NSD1: variants seen among roughly 807,000 people sequenced by gnomAD.
NSD1 encodes histone-lysine N-methyltransferase, H3 lysine-36 specific.
In NSD1, 26 loss-of-function variants were observed where a neutral mutation model predicts 242.7. The ratio of observed to expected loss-of-function variants is 0.11; its 90% CI spans 0.08 to 0.15. The LOEUF (loss-of-function observed/expected upper bound fraction) is 0.15, where lower values mean the gene tolerates loss of function less well. Among genes scored for constraint, NSD1 ranks in the 10% least tolerant of loss-of-function variants. The pLI is 1.00. For missense variants in NSD1, 2,495 were observed against 3,272.8 expected, an observed-to-expected ratio of 0.76 and a Z score of 5.80; for synonymous variants, 1,106 against 1,178.1, an observed-to-expected ratio of 0.94 and a Z score of 1.25.
rs200247015 is a variant in NSD1, at chr5:177,191,861, C to G, written c.928-23C>G. 52 of 1,612,344 alleles carry G rather than the reference C, an allele frequency of 3.2e-5. 1 individual carries two copies. The African/African-American group carries it at 5.1e-4, about 16-fold the overall frequency. On this transcript the variant is annotated intron_variant, in intron 2 of 22. Coordinates refer to ENST00000439151, the MANE Select transcript of NSD1 (RefSeq NM_022455.5). Reference sequence around the variant, plus strand: ...CAAAATATTTTGATTCTTATTGATGCCCCATGTTTTGTCTGTCTAAAGTGT... The same window carrying G: ...CAAAATATTTTGATTCTTATTGATGGCCCATGTTTTGTCTGTCTAAAGTGT...
At position 177,135,477 on chromosome 5, in the gene NSD1, C is replaced by T. The variant is rs761430959; in HGVS notation, c.374C>T (p.Ala125Val). 1 of 1,614,198 alleles carries T rather than the reference C, an allele frequency of 6.2e-7. No homozygotes were observed. The highest frequency in any genetic ancestry group is 1.1e-5 in the South Asian group (1 of 91,090). ...SLSPGGPTAL[A>V]MKQEPSCNNS... is the part of the protein sequence containing the mutation. The stretch of plus-strand genomic sequence containing the variant: ...AGTCCTGGTGGTCCTACAGCACTTG[C>T]TATGAAACAGGAACCCTCTTGTAAT... The change falls in exon 2 of 23, where the codon GCT (alanine) becomes GTT (valine). Residue 125 changes from alanine to valine, a missense_variant. By Grantham distance (64) the Ala-to-Val change is moderately conservative. This residue lies in a region of NSD1 where 376 missense variants were observed against 367.4 expected (regional missense o/e 1.02). Transcript: ENST00000439151.
intron 2 of NSD1, among the ~76,000 whole-genome samples, chr5:177,149,079 A>G (rs891592386): frequency 6.6e-6 from 1 of 152,074 alleles, no homozygotes; most frequent in African/African-American, 2.4e-5. Context: ...TTGGCTTCCC[A>G]AAGTCCTGGG....
intron 18 of NSD1, among the ~76,000 whole-genome samples, chr5:177,281,895 C>T (rs1758924455): frequency 1.3e-5 from 2 of 152,172 alleles, no homozygotes; most frequent in Admixed American, 1.3e-4. Flanking sequence ...TCAAATTATC[C>T]TCCCAGAGTG....
At chr5:177,159,457 A>G (rs1284744795) in intron 2 of NSD1, among the ~76,000 whole-genome samples, 2 of 151,412 alleles carry the variant, frequency 1.3e-5, no homozygotes, top group Non-Finnish European at 2.9e-5. Context: ...TAATTTTTGT[A>G]TTTTTAGTAG....
chr5:177,236,071 C>T (rs1765415670), intron 6 of NSD1, 126 bp downstream of exon 6: 3 of 1,004,650 alleles, frequency 3.0e-6, no homozygotes, highest in Non-Finnish European at 4.6e-6. Context: ...TTATTCTCAG[C>T]TTCTAGCACA....
chr5:177,272,897 A>G (rs1472882700), intron 16 of NSD1, among the ~76,000 whole-genome samples: 1 of 152,090 alleles, frequency 6.6e-6, no homozygotes, highest in South Asian at 2.1e-4. Flanking sequence ...AAAATAAAGT[A>G]CGGTACTTGA....
rs1321425171 is a variant in NSD1 at position 177,288,032 on chromosome 5, CCT to C, written c.6152-786_6152-785del. On this transcript the variant is annotated intron_variant, in intron 20 of 22. Transcript: ENST00000439151. ...TTATACATTAACTGTAAACATTACC[CCT>C]GTGATAGGCAACCTCTTCACATATT... 2.6e-5 allele frequency among the ~76,000 whole-genome samples: 4 copies of C among 152,232 alleles called. No individual in the cohort carries two copies. In the South Asian group the frequency reaches 8.3e-4, roughly 32 times the overall value.
At chr5:177,138,014 G>A (rs772959537) in intron 2 of NSD1, among the ~76,000 whole-genome samples, 14 of 151,842 alleles carry the variant, frequency 9.2e-5, no homozygotes, top group Non-Finnish European at 2.9e-5. Context: ...GGCAGAGGTT[G>A]CAGTGAGCCA....
At chr5:177,266,944 A>G (rs956469508) in intron 14 of NSD1, among the ~76,000 whole-genome samples, 5 of 152,188 alleles carry the variant, frequency 3.3e-5, no homozygotes, top group Admixed American at 6.5e-5. Flanking sequence ...GGCTCACTGC[A>G]ACTTCCGCCT....
intron 2 of NSD1, among the ~76,000 whole-genome samples, chr5:177,150,560 C>T (rs971057718): frequency 7.5e-5 from 11 of 146,768 alleles, no homozygotes; most frequent in African/African-American, 2.7e-4. Context: ...ATTATTAATA[C>T]TTCTAAAGTT....
At chr5:177,251,986 G>T in intron 12 of NSD1, 133 bp downstream of exon 12, 1 of 1,105,116 alleles carries the variant, frequency 9.0e-7, no homozygotes. Context: ...TGGTGCTGTG[G>T]GGTCACTGCT....
Position 177,211,987 on chromosome 5 carries a change from G to T in NSD1, c.3588G>T (p.Val1196=), listed in dbSNP as rs549662786. Residue 1196 remains valine, a synonymous_variant, in exon 5 of 23, where the codon GTG becomes GTT. Transcript: ENST00000439151. The part of the protein sequence containing the change: ...AFRVLLPSDP[V]QEGRDEFPEH... ...GGGTCTTACTTCCTAGTGACCCTGT[G>T]CAGGAGGGGCGGGATGAGTTTCCAG... 13 of 1,613,590 alleles carry T rather than the reference G, an allele frequency of 8.1e-6. No individual in the cohort carries two copies. In the African/African-American group the frequency reaches 1.1e-4, roughly 13 times the overall value.
At chr5:177,243,750 T>G (rs549884004) in intron 8 of NSD1, among the ~76,000 whole-genome samples, 1 of 152,162 alleles carries the variant, frequency 6.6e-6, no homozygotes, top group African/African-American at 2.4e-5. Context: ...TGGAGTGCAG[T>G]GGTGCGATCT....
intron 20 of NSD1, among the ~76,000 whole-genome samples, chr5:177,285,513 G>A (rs928626700): frequency 3.0e-5 from 4 of 131,570 alleles, no homozygotes; most frequent in Non-Finnish European, 3.1e-5. Flanking sequence ...GTAGTGAGCC[G>A]AGATCGTGCC....
chr5:177,175,093 G>A (rs1760082079), intron 2 of NSD1, among the ~76,000 whole-genome samples: 1 of 151,038 alleles, frequency 6.6e-6, no homozygotes, highest in Admixed American at 6.6e-5. Context: ...AGATGGTCTC[G>A]ATCTCCTGAC....
intron 17 of NSD1, among the ~76,000 whole-genome samples, chr5:177,274,258 A>G (rs1362873832): frequency 1.3e-5 from 2 of 152,240 alleles, no homozygotes; most frequent in Non-Finnish European, 2.9e-5. Context: ...CCTAACCTTT[A>G]ACCTACCTAG....
intron 16 of NSD1, among the ~76,000 whole-genome samples, chr5:177,272,966 A>G (rs1235377702): frequency 1.3e-5 from 2 of 152,206 alleles, no homozygotes; most frequent in Admixed American, 6.5e-5. Flanking sequence ...TATTTACACA[A>G]CAAGTCTTAG....
At chr5:177,248,398 T>C (rs1466156786) in intron 11 of NSD1, 74 bp downstream of exon 11, 3 of 1,500,000 alleles carry the variant, frequency 2.0e-6, no homozygotes, top group Non-Finnish European at 2.7e-6. Flanking sequence ...CATCTCTTTA[T>C]GATGGTTTCT....
At chr5:177,198,048 C>T (rs920109331) in intron 3 of NSD1, among the ~76,000 whole-genome samples, 27 of 152,164 alleles carry the variant, frequency 1.8e-4, no homozygotes, top group African/African-American at 6.0e-4. Context: ...CTTGCTCTGT[C>T]ACTCAGGCTG....
Sources: allele counts gnomAD v4.1 joint callset (sites outside exome capture counted in the v4.1 genomes callset), GRCh38; gene constraint gnomAD v4.1.1; regional missense constraint gnomAD v4.1.1; transcripts MANE v1.5; gene names NCBI Gene and HGNC (gene_info 2026-07-23, HGNC 2026-07-21).